Variants in GAS7 observed in about 807,000 individuals in gnomAD.
GAS7 encodes growth arrest specific 7, also known as growth arrest-specific protein 7.
GAS7 carries 28 observed loss-of-function variants against 71.1 expected under a neutral mutation model. The ratio of observed to expected loss-of-function variants is 0.39; its 90% CI spans 0.29 to 0.54. GAS7 has a LOEUF of 0.54. Ranked by LOEUF, GAS7 falls within the 20% of genes least tolerant of loss-of-function variation. The pLI, the probability that GAS7 is intolerant of heterozygous loss-of-function variation, is 0.62. For synonymous variants in GAS7, 258 were observed against 245.8 expected (o/e 1.05, Z -0.46); for missense variants, 436 against 627.8 (o/e 0.69, Z 3.27).
chr17:10,088,815 G>C (rs968838892), intron 1 of GAS7, among the ~76,000 whole-genome samples: 1 of 152,058 alleles, frequency 6.6e-6, no homozygotes, highest in Non-Finnish European at 1.5e-5. Flanking sequence ...AGGAGGAGAG[G>C]GGGGTTCAAG....
chr17:9,931,856 C>T (rs1275144278), intron 9 of GAS7, among the ~76,000 whole-genome samples: 2 of 152,172 alleles, frequency 1.3e-5, no homozygotes, highest in Non-Finnish European at 2.9e-5. Context: ...AGTCCTTTCA[C>T]GTGTCTCAGT....
chr17:10,146,388 T>A (rs975148749), intron 1 of GAS7, among the ~76,000 whole-genome samples: 3 of 152,194 alleles, frequency 2.0e-5, no homozygotes, highest in Non-Finnish European at 4.4e-5. Context: ...CAATTATGAC[T>A]GCATTTCACA....
chr17:9,923,261 T>G (rs983340317), intron 11 of GAS7, among the ~76,000 whole-genome samples: 1 of 131,478 alleles, frequency 7.6e-6, no homozygotes, highest in Non-Finnish European at 1.7e-5. Context: ...AAAAAAAAAG[T>G]AAGAAAAAAC....
chr17:9,939,677 G>A (rs935986279), intron 8 of GAS7, among the ~76,000 whole-genome samples: 3 of 151,398 alleles, frequency 2.0e-5, no homozygotes, highest in Non-Finnish European at 2.9e-5. Flanking sequence ...TGGCCCGATC[G>A]CAGCTCACTG....
intron 1 of GAS7, among the ~76,000 whole-genome samples, chr17:10,055,644 C>T (rs1002682609): frequency 1.1e-4 from 17 of 152,196 alleles, no homozygotes; most frequent in African/African-American, 3.9e-4. Flanking sequence ...ATTCAGCCAC[C>T]GCTGGAGGCC....
intron 1 of GAS7, among the ~76,000 whole-genome samples, chr17:10,097,668 C>T (rs531045698): frequency 2.0e-5 from 3 of 152,246 alleles, no homozygotes; most frequent in South Asian, 2.1e-4. Context: ...TATCGGAATC[C>T]GCAGGCAGGT....
At chr17:9,943,051 C>A in intron 7 of GAS7, 70 bp downstream of exon 7, 1 of 963,458 alleles carries the variant, frequency 1.0e-6, no homozygotes, top group Admixed American at 1.8e-5. Context: ...TGCTGTCGCC[C>A]CGCCCCGGCC....
chr17:9,911,287 G>C lies in GAS7; in HGVS notation c.*5941C>G, dbSNP rs2152057377. 8.6e-6 allele frequency: 2 copies of C among 233,392 alleles called. No homozygotes were observed. Among genetic ancestry groups the C allele is most frequent in the Middle Eastern group, 1.3e-3 (1 of 788 alleles). 14.5% of individuals were successfully genotyped at this position (233,392 alleles called of 1,614,324 possible). A position where few individuals can be genotyped will look rare whatever the true frequency, so the allele number is the denominator to read the frequency against. Reference sequence around the variant, plus strand: ...CTTAACTTCAGGTTATGGGACAAAGGAGGCCGCAGAGCAGGGCCAGTCCTG... The same window carrying C: ...CTTAACTTCAGGTTATGGGACAAAGCAGGCCGCAGAGCAGGGCCAGTCCTG... On this transcript the variant is annotated 3_prime_UTR_variant, in exon 14 of 14. Coordinates refer to ENST00000432992, the MANE Select transcript of GAS7 (RefSeq NM_201433.2). This position sits in a 1 kb window ranked among gnomAD's most constrained non-coding sequence, Gnocchi z 4.0.
At chr17:9,932,230 C>G (rs2068236651) in intron 9 of GAS7, among the ~76,000 whole-genome samples, 1 of 135,480 alleles carries the variant, frequency 7.4e-6, no homozygotes, top group African/African-American at 2.7e-5. Context: ...GAGTCTCACT[C>G]TGTTGCCAGG....
intron 1 of GAS7, among the ~76,000 whole-genome samples, chr17:10,056,264 G>A (rs1018470638): frequency 6.6e-6 from 1 of 152,146 alleles, no homozygotes; most frequent in Non-Finnish European, 1.5e-5. Context: ...AGAGGCTGAG[G>A]TGGGAAGACT....
intron 1 of GAS7, among the ~76,000 whole-genome samples, chr17:10,177,623 CTCT>C (rs1243696923): frequency 2.3e-4 from 35 of 152,280 alleles, no homozygotes; most frequent in African/African-American, 8.2e-4. Context: ...ATGACTGCTG[CTCT>C]TCTCCCCAGA....
chr17:10,028,990 G>T (rs750800625), intron 1 of GAS7, among the ~76,000 whole-genome samples: 1 of 152,250 alleles, frequency 6.6e-6, no homozygotes, highest in Non-Finnish European at 1.5e-5. Context: ...AACAAAGGTT[G>T]ATGGGGAGGA....
In GAS7 at chr17:10,059,271, C is replaced by T. The variant is rs145715098; in HGVS notation, c.184-39374G>A. On this transcript the variant is annotated intron_variant, in intron 1 of 13. Transcript: ENST00000432992. ...TTCTCCTGAGAACTCTATTATGCTA[C>T]TTGGAGCCACGTGGCCTCTACAAAT... Among the ~76,000 whole-genome samples, 422 of 152,302 alleles carry T rather than the reference C, an allele frequency of 2.8e-3. 3 individuals carry two copies. In the Middle Eastern group the frequency reaches 0.044, roughly 16 times the overall value.
At chr17:10,010,577 C>T (rs1049214927) in intron 2 of GAS7, among the ~76,000 whole-genome samples, 2 of 152,194 alleles carry the variant, frequency 1.3e-5, no homozygotes, top group African/African-American at 4.8e-5. Context: ...TATGACAGGG[C>T]TATATACTGA....
chr17:10,196,889 C>T (rs972652522), intron 1 of GAS7, among the ~76,000 whole-genome samples: 3 of 152,202 alleles, frequency 2.0e-5, no homozygotes, highest in African/African-American at 7.2e-5. Flanking sequence ...GGGCAGGGCA[C>T]ACCTGAGCCT....
In GAS7 at chr17:9,913,451, G is replaced by A; in HGVS notation, c.*3777C>T. On this transcript the variant is annotated 3_prime_UTR_variant, in exon 14 of 14. Transcript: ENST00000432992. ...ATGTTATGGCTTGTATTTCCAAAAG[G>A]GACTTTGGCTCAGCCCAGATTTTTC... The A allele has an allele frequency of 4.3e-6, 1 of 232,738 alleles. No homozygotes were observed. Among genetic ancestry groups the A allele is most frequent in the Non-Finnish European group, 8.5e-6 (1 of 117,430 alleles). 14.4% of individuals were successfully genotyped at this position (232,738 alleles called of 1,614,324 possible).
chr17:9,932,485 G>C (rs1459714570), intron 9 of GAS7, among the ~76,000 whole-genome samples: 1 of 152,134 alleles, frequency 6.6e-6, no homozygotes, highest in Non-Finnish European at 1.5e-5. Context: ...GAGCCACCAC[G>C]CCTGGCCCCT....
In GAS7 at chr17:10,005,251, G is replaced by GTGTGTA. The variant is rs1555617584; in HGVS notation, c.304+14525_304+14526insTACACA. ...TATGTGTATGTGCGCGCATGCATGT[G>GTGTGTA]TGTGCACACATACATGTATGTATAT... On this transcript the variant is annotated intron_variant, in intron 2 of 13. Transcript: ENST00000432992. Among the ~76,000 whole-genome samples the GTGTGTA allele has an allele frequency of 2.5e-3, 376 of 150,540 alleles. 1 individual carries two copies. The highest frequency in any genetic ancestry group is 4.7e-3 in the Admixed American group (71 of 15,180).
At chr17:10,130,378 A>G (rs1306725821) in intron 1 of GAS7, among the ~76,000 whole-genome samples, 1 of 151,862 alleles carries the variant, frequency 6.6e-6, no homozygotes, top group Non-Finnish European at 1.5e-5. Context: ...TGGCAAGGAT[A>G]TGGAGGCATT....
Sources: allele counts gnomAD v4.1 joint callset (sites outside exome capture counted in the v4.1 genomes callset), GRCh38; gene constraint gnomAD v4.1.1; non-coding constraint Gnocchi (gnomAD v3.1); transcripts MANE v1.5; gene names NCBI Gene and HGNC (gene_info 2026-07-23, HGNC 2026-07-21).